ARHGAP10: variants seen among roughly 807,000 people sequenced by gnomAD.
The protein encoded by ARHGAP10 is rho GTPase-activating protein 10.
ARHGAP10 carries 87 observed loss-of-function variants against 108.6 expected under a neutral mutation model. That is an observed-to-expected ratio of 0.80 (90% CI 0.67 to 0.96). ARHGAP10 has a LOEUF of 0.96. Among genes scored for constraint, ARHGAP10 ranks in the 40% least tolerant of loss-of-function variants. The probability of loss-of-function intolerance (pLI) is 0.00; values close to 1 mark genes in which losing one functional copy is unlikely to be tolerated. For synonymous variants in ARHGAP10, 347 were observed against 341.1 expected (o/e 1.02, Z -0.19); for missense variants, 939 against 954.5 (o/e 0.98, Z 0.21).
At chr4:147,923,510 A>G (rs190330317) in intron 13 of ARHGAP10, among the ~76,000 whole-genome samples, 1 of 152,352 alleles carries the variant, frequency 6.6e-6, no homozygotes, top group African/African-American at 2.4e-5. Flanking sequence ...AAAATCTTCC[A>G]TATGTGGATA....
intron 16 of ARHGAP10, 100 bp from the exon 17 acceptor site, chr4:147,964,924 T>C: frequency 1.3e-6 from 1 of 782,940 alleles, no homozygotes; most frequent in Non-Finnish European, 1.9e-6. Context: ...AGAGGAGCTG[T>C]TGTCATTGTC....
rs566946990 is a variant in ARHGAP10, at chr4:148,046,249, G to C, written c.1868-643G>C. On this transcript the variant is annotated intron_variant, in intron 19 of 22. Transcript: ENST00000336498. The stretch of plus-strand genomic sequence containing the variant: ...TTAATAAAATGGTCCCCTGTGAATG[G>C]ATACATTGTGCAACTCATTTAAAAA... 7.2e-5 allele frequency among the ~76,000 whole-genome samples: 11 copies of C among 152,234 alleles called. No individual in the cohort carries two copies. In the South Asian group the frequency reaches 1.5e-3, roughly 20 times the overall value.
At chr4:147,978,997 G>T (rs977671064) in intron 18 of ARHGAP10, among the ~76,000 whole-genome samples, 1 of 151,934 alleles carries the variant, frequency 6.6e-6, no homozygotes, top group African/African-American at 2.4e-5. Flanking sequence ...ATTTTCTCCC[G>T]TTTTGTAGAT....
chr4:147,799,899 C>G (rs577381737), intron 1 of ARHGAP10, among the ~76,000 whole-genome samples: 1 of 152,144 alleles, frequency 6.6e-6, no homozygotes, highest in Non-Finnish European at 1.5e-5. Flanking sequence ...GACATTTTGC[C>G]TATCTTTTTT....
chr4:147,854,845 G>A (rs977730697), intron 4 of ARHGAP10: 1 of 985,294 alleles, frequency 1.0e-6, no homozygotes, highest in Non-Finnish European at 1.2e-6. Flanking sequence ...TAAGCTTGGT[G>A]GGTGTGATGT....
At chr4:147,943,504 A>G (rs1738243713) in intron 14 of ARHGAP10, among the ~76,000 whole-genome samples, 1 of 152,220 alleles carries the variant, frequency 6.6e-6, no homozygotes, top group African/African-American at 2.4e-5. Flanking sequence ...GTAGGGTGCT[A>G]GCAGCTGCAT....
rs1047829023 is a variant in ARHGAP10, at chr4:147,788,412, A to G, written c.155-34315A>G. ...CAGTGAGCTGAGATCACGCCATTGC[A>G]CTTCAGCCTGGGTGACAGAGCAAGA... is the stretch of plus-strand genomic sequence containing the variant. On this transcript the variant is annotated intron_variant, in intron 1 of 22. Coordinates refer to ENST00000336498, the MANE Select transcript of ARHGAP10 (RefSeq NM_024605.4). Among the ~76,000 whole-genome samples the G allele has an allele frequency of 2.0e-5, 3 of 152,182 alleles. No homozygotes were observed. The South Asian group carries it at 6.2e-4, about 32-fold the overall frequency.
intron 18 of ARHGAP10, among the ~76,000 whole-genome samples, chr4:148,019,479 T>C (rs1741481009): frequency 6.6e-6 from 1 of 152,096 alleles, no homozygotes; most frequent in East Asian, 1.9e-4. Flanking sequence ...GGCATGGGCA[T>C]GGTGGCTCAC....
intron 10 of ARHGAP10, among the ~76,000 whole-genome samples, chr4:147,889,605 A>G (rs1358726344): frequency 1.3e-5 from 2 of 152,074 alleles, no homozygotes; most frequent in Non-Finnish European, 2.9e-5. Flanking sequence ...TGGCCCTCAT[A>G]TTGGATACCT....
intron 4 of ARHGAP10, chr4:147,854,765 A>C: frequency 1.0e-6 from 1 of 985,052 alleles, no homozygotes; most frequent in Middle Eastern, 5.2e-4. Flanking sequence ...CTGCGTTTTA[A>C]GATTCAGAAA....
chr4:147,949,848 T>TC (rs397827198), intron 15 of ARHGAP10, among the ~76,000 whole-genome samples: 4 of 151,804 alleles, frequency 2.6e-5, no homozygotes, highest in African/African-American at 7.2e-5. Flanking sequence ...CATTCTTTTT[T>TC]CCTCCATTCC....
At chr4:147,881,333 A>AAAATCT (rs1195485716) in intron 9 of ARHGAP10, among the ~76,000 whole-genome samples, 4 of 149,422 alleles carry the variant, frequency 2.7e-5, no homozygotes, top group African/African-American at 9.8e-5. Flanking sequence ...TAAGGTCTAG[A>AAAATCT]AAATCTTAAG....
intron 4 of ARHGAP10, chr4:147,854,713 T>TATAAATACTACTATAAAA: frequency 1.0e-6 from 1 of 984,404 alleles, no homozygotes; most frequent in Non-Finnish European, 1.2e-6. Flanking sequence ...ACAATAATAC[T>TATAAATACTACTATAAAA]CTATAATGAC....
At chr4:147,791,744 C>G (rs534715704) in intron 1 of ARHGAP10, among the ~76,000 whole-genome samples, 5 of 152,176 alleles carry the variant, frequency 3.3e-5, no homozygotes, top group African/African-American at 4.8e-5. Context: ...GCCACCATGT[C>G]CAGCTAGTTT....
intron 10 of ARHGAP10, among the ~76,000 whole-genome samples, chr4:147,894,867 C>G (rs922305756): frequency 5.9e-5 from 9 of 152,292 alleles, no homozygotes; most frequent in Non-Finnish European, 7.4e-5. Context: ...ATTCTCTACT[C>G]TGTTGCATCT....
At chr4:147,759,659 T>C (rs2126703585) in intron 1 of ARHGAP10, among the ~76,000 whole-genome samples, 1 of 152,192 alleles carries the variant, frequency 6.6e-6, no homozygotes, top group African/African-American at 2.4e-5. Context: ...AAAATATTAT[T>C]TCAACGTGTA....
chr4:147,914,700 C>A (rs1182384327), intron 13 of ARHGAP10, among the ~76,000 whole-genome samples: 1 of 151,556 alleles, frequency 6.6e-6, no homozygotes, highest in African/African-American at 2.4e-5. Context: ...CTGTAAATTT[C>A]TGTTTATTGC....
At chr4:148,015,684 G>A (rs1177264384) in intron 18 of ARHGAP10, among the ~76,000 whole-genome samples, 5 of 152,184 alleles carry the variant, frequency 3.3e-5, no homozygotes, top group African/African-American at 4.8e-5. Flanking sequence ...AGGTTAAGTC[G>A]TAGGTCGAAG....
intron 18 of ARHGAP10, among the ~76,000 whole-genome samples, chr4:148,008,411 G>A (rs1741034270): frequency 6.6e-6 from 1 of 151,732 alleles, no homozygotes; most frequent in African/African-American, 2.4e-5. Context: ...TCAACCTCAA[G>A]CAATTTTGGC....
Sources: allele counts gnomAD v4.1 joint callset (sites outside exome capture counted in the v4.1 genomes callset), GRCh38; gene constraint gnomAD v4.1.1; transcripts MANE v1.5; gene names NCBI Gene and HGNC (gene_info 2026-07-23, HGNC 2026-07-21).